The following PLA2R1 variants were observed in gnomAD, a reference collection of about 807,000 sequenced individuals.
PLA2R1 encodes the protein secretory phospholipase A2 receptor.
A neutral mutation model predicts 195.9 loss-of-function variants in PLA2R1; 158 were observed. The ratio of observed to expected loss-of-function variants is 0.81; its 90% CI spans 0.71 to 0.92. The LOEUF is 0.92. Ranked by LOEUF, PLA2R1 falls within the 40% of genes least tolerant of loss-of-function variation. The pLI is 0.00. For missense variants in PLA2R1, 1,626 were observed against 1,764.6 expected, an observed-to-expected ratio of 0.92 and a Z score of 1.41; for synonymous variants, 586 against 598.2, an observed-to-expected ratio of 0.98 and a Z score of 0.30.
chr2:159,946,771 T>C, intron 27 of PLA2R1, 30 bp downstream of exon 27: 1 of 1,570,980 alleles, frequency 6.4e-7, no homozygotes, highest in Non-Finnish European at 8.6e-7. Context: ...TGTATTTATT[T>C]ATGTCCTCTC....
intron 1 of PLA2R1, among the ~76,000 whole-genome samples, chr2:160,058,599 G>A (rs1695731376): frequency 6.6e-6 from 1 of 152,174 alleles, no homozygotes; most frequent in Non-Finnish European, 1.5e-5. Context: ...ACTATGCCCA[G>A]TTTTCACCAG....
chr2:160,003,028 T>C (rs760942401), intron 11 of PLA2R1, among the ~76,000 whole-genome samples: 7 of 152,086 alleles, frequency 4.6e-5, no homozygotes, highest in Non-Finnish European at 7.4e-5. Flanking sequence ...GCTTGAATTA[T>C]GTTAGTGCCA....
intron 1 of PLA2R1, among the ~76,000 whole-genome samples, chr2:160,047,449 G>C (rs955106687): frequency 2.0e-5 from 3 of 152,128 alleles, no homozygotes; most frequent in African/African-American, 7.2e-5. Flanking sequence ...TCCCTCAAAG[G>C]CTTCTCTTCT....
In PLA2R1 at chr2:160,062,279, A is replaced by G; in HGVS notation, c.109+16T>C. The G allele has an allele frequency of 7.1e-7, 1 of 1,411,858 alleles. No individual in the cohort carries two copies. Among genetic ancestry groups the G allele is most frequent in the Non-Finnish European group, 9.3e-7 (1 of 1,075,090 alleles). The allele number at this position is 1,411,858 out of a possible 1,614,324, so 87.5% of individuals were successfully genotyped here. A position where few individuals can be genotyped will look rare whatever the true frequency, so the allele number is the denominator to read the frequency against. The stretch of plus-strand genomic sequence containing the variant: ...CCCCAACGTACCGATCCAGTCCCCG[A>G]CCCTGGGAGACTCACCCTGCCACTC... On this transcript the variant is annotated intron_variant, in intron 1 of 29. Transcript: ENST00000283243.
Position 159,987,344 on chromosome 2 carries a change from A to G in PLA2R1, c.1849T>C (p.Cys617Arg). 1 of 1,610,908 alleles carries G rather than the reference A, an allele frequency of 6.2e-7. No individual in the cohort carries two copies. The highest frequency in any genetic ancestry group is 8.5e-7 in the Non-Finnish European group (1 of 1,179,286). Residue 617 changes from cysteine (C) to arginine (R), a missense_variant, in exon 12 of 30, where the codon TGT becomes CGT. By Grantham distance (180) the Cys-to-Arg change is radical. Coordinates refer to ENST00000283243, the MANE Select transcript of PLA2R1 (RefSeq NM_007366.5). ...GGATGCCTTCCTCGCATGGCAACAC[A>G]GCCACCACTGTAGCCTAAAAGCAGA... ...NTHQPRYSGG[C>R]VAMRGRHPLG...
chr2:159,964,039 C>A (rs528947065), intron 20 of PLA2R1, among the ~76,000 whole-genome samples: 1 of 152,206 alleles, frequency 6.6e-6, no homozygotes, highest in East Asian at 1.9e-4. Context: ...CACACACGCC[C>A]GTGCCACACA....
Position 159,975,076 on chromosome 2 carries a change from G to C in PLA2R1, c.2595+992C>G, listed in dbSNP as rs117007888. On this transcript the variant is annotated intron_variant, in intron 17 of 29. Coordinates refer to ENST00000283243, the MANE Select transcript of PLA2R1 (RefSeq NM_007366.5). ...CTTTCAAAGCTTCCAAGGGAAAGGG[G>C]AGTGAGGATTTCCCGCCTTCATGCC... is the stretch of plus-strand genomic sequence containing the variant. Among the ~76,000 whole-genome samples, 168 of 152,270 alleles carry C rather than the reference G, an allele frequency of 1.1e-3. 8 individuals are homozygous for C. The East Asian group carries it at 0.031, about 28-fold the overall frequency.
At chr2:159,983,776 C>A in intron 13 of PLA2R1, 152 bp downstream of exon 13, 1 of 495,218 alleles carries the variant, frequency 2.0e-6, no homozygotes, top group Non-Finnish European at 3.6e-6. Context: ...ACAAGATAAA[C>A]ATAAAACTAT....
chr2:160,047,869 A>G (rs957359308), intron 1 of PLA2R1, among the ~76,000 whole-genome samples: 1 of 152,212 alleles, frequency 6.6e-6, no homozygotes, highest in Non-Finnish European at 1.5e-5. Context: ...TCTGTCACCC[A>G]GGCTGGAGTG....
At chr2:159,949,872 T>C in intron 24 of PLA2R1, 96 bp from the exon 25 acceptor site, 1 of 931,954 alleles carries the variant, frequency 1.1e-6, no homozygotes, top group Non-Finnish European at 1.7e-6. Context: ...CATCGATTGC[T>C]ATTTCTGCAC....
At chr2:159,926,840 G>A in the PLA2R1 span, among the ~76,000 whole-genome samples, 11 of 152,276 alleles carry the variant, frequency 7.2e-5, no homozygotes, top group Admixed American at 3.9e-4. Flanking sequence ...TGTGTTTGCT[G>A]TTCCTGGATC....
intron 6 of PLA2R1, among the ~76,000 whole-genome samples, chr2:160,023,394 A>G (rs1693273500): frequency 6.6e-6 from 1 of 152,202 alleles, no homozygotes; most frequent in Non-Finnish European, 1.5e-5. Context: ...TGCTCATTAT[A>G]TGCTAATTAT....
Position 159,934,420 on chromosome 2 carries a change from G to T in PLA2R1, c.*7358C>A, listed in dbSNP as rs1453302873. The T allele has an allele frequency of 1.3e-5, 2 of 152,102 alleles. No homozygotes were observed. The highest frequency in any genetic ancestry group is 2.9e-5 in the Non-Finnish European group (2 of 68,016). The allele number at this position is 152,102 out of a possible 1,614,324, so 9.4% of individuals were successfully genotyped here. ...TGTTAGGTAAGTTGGAGACACACAG[G>T]GTTTTGCCCTGCTTCTCATCTGAGA... is the stretch of plus-strand genomic sequence containing the variant. On this transcript the variant is annotated 3_prime_UTR_variant, in exon 30 of 30. Transcript: ENST00000283243.
At chr2:159,926,726 T>C in the PLA2R1 span, among the ~76,000 whole-genome samples, 1 of 152,092 alleles carries the variant, frequency 6.6e-6, no homozygotes, top group African/African-American at 2.4e-5. Flanking sequence ...TTTATAAAGG[T>C]GTGAGAAGGT....
chr2:160,005,502 G>C (rs1573875959), intron 11 of PLA2R1, 150 bp downstream of exon 11: 1 of 573,890 alleles, frequency 1.7e-6, no homozygotes, highest in Admixed American at 3.2e-5. Flanking sequence ...TCAGCCATAT[G>C]TCACCCCCTG....
chr2:159,944,938 T>C lies in PLA2R1; in HGVS notation c.4112A>G (p.Glu1371Gly), dbSNP rs1687289218. 3 of 1,613,320 alleles carry C rather than the reference T, an allele frequency of 1.9e-6. No individual in the cohort carries two copies. The highest frequency in any genetic ancestry group is 2.5e-6 in the Non-Finnish European group (3 of 1,179,464). ...EGLWQLSPCQ[E>G]KKGFICKMEA... ...CATTTTACATATAAAGCCTTTTTTT[T>C]CTTGACACGGGGATAGCTGCCATAA... The change falls in exon 28 of 30, where the codon GAA becomes GGA. Residue 1371 changes from glutamate to glycine, a missense_variant. Transcript: ENST00000283243.
chr2:160,030,943 T>C (rs1456878366), intron 4 of PLA2R1, among the ~76,000 whole-genome samples: 1 of 152,214 alleles, frequency 6.6e-6, no homozygotes, highest in Non-Finnish European at 1.5e-5. Flanking sequence ...GACCTTCTCA[T>C]GAGAAATCCT....
intron 3 of PLA2R1, among the ~76,000 whole-genome samples, chr2:160,040,739 G>A (rs904327395): frequency 3.9e-5 from 6 of 152,212 alleles, no homozygotes; most frequent in African/African-American, 1.4e-4. Flanking sequence ...TCACCACTAT[G>A]CATAGCTTAG....
chr2:159,973,979 G>A (rs919738358), intron 17 of PLA2R1, among the ~76,000 whole-genome samples: 1 of 151,942 alleles, frequency 6.6e-6, no homozygotes, highest in African/African-American at 2.4e-5. Context: ...TCCCTTCCAT[G>A]GGAGGCATTA....
Sources: allele counts gnomAD v4.1 joint callset (sites outside exome capture counted in the v4.1 genomes callset), GRCh38; gene constraint gnomAD v4.1.1; transcripts MANE v1.5; gene names NCBI Gene and HGNC (gene_info 2026-07-23, HGNC 2026-07-21).